The following AGO1 variants were observed in gnomAD, a reference collection of about 807,000 sequenced individuals.
The protein encoded by AGO1 is argonaute RISC component 1.
A neutral mutation model predicts 109.2 loss-of-function variants in AGO1; 11 were observed. The ratio of observed to expected loss-of-function variants is 0.10; its 90% confidence interval spans 0.06 to 0.17. AGO1 has a LOEUF of 0.17. Among genes scored for constraint, AGO1 ranks in the 10% least tolerant of loss-of-function variants. AGO1 has a pLI of 1.00. For synonymous variants in AGO1, 422 were observed against 418.6 expected, an observed-to-expected ratio of 1.01 and a Z score of -0.10; for missense variants, 574 against 1,140.3, an observed-to-expected ratio of 0.50 and a Z score of 7.15.
At position 35,883,383 on chromosome 1, in the gene AGO1, C is replaced by CA. The variant is rs767091091; in HGVS notation, c.-38dup. The CA allele has an allele frequency of 6.3e-7, 1 of 1,582,632 alleles. No individual in the cohort carries two copies. Among genetic ancestry groups the CA allele is most frequent in the South Asian group, 1.1e-5 (1 of 88,664 alleles). On this transcript the variant is annotated 5_prime_UTR_variant, in exon 1 of 19. Coordinates refer to ENST00000373204, the MANE Select transcript of AGO1 (RefSeq NM_012199.5). The surrounding 1 kb of genome is among the most constrained non-coding windows in gnomAD (Gnocchi z 5.4). ...CCTAGGCCCCTCACGCTGGACTTCA[C>CA]AGTCTCCGGGCCGCCTGACCTCCGC...
intron 1 of AGO1, among the ~76,000 whole-genome samples, chr1:35,887,258 C>G (rs1297314603): frequency 6.6e-6 from 1 of 152,192 alleles, no homozygotes. Flanking sequence ...CCCATCCCCC[C>G]AGCTTGTCTG....
At position 35,919,246 on chromosome 1, in the gene AGO1, G is replaced by C; in HGVS notation, c.2457G>C (p.Glu819Asp). The C allele has an allele frequency of 6.2e-7, 1 of 1,613,566 alleles. No individual in the cohort carries two copies. The highest frequency in any genetic ancestry group is 8.5e-7 in the Non-Finnish European group (1 of 1,179,782). Residue 819 changes from glutamate to aspartate, a missense_variant, in exon 18 of 19, where the codon GAG (glutamate) becomes GAC (aspartate). Physicochemically the swap from Glu to Asp is conservative, Grantham distance 45 (BLOSUM62 2). Transcript: ENST00000373204. The surrounding 1 kb of genome is among the most constrained non-coding windows in gnomAD (Gnocchi z 6.6). ...FRARYHLVDK[E>D]HDSGEGSHIS... Reference sequence around the variant, plus strand: ...CACGATACCACCTGGTGGACAAGGAGCATGACAGGTGAGGCCTGGGATCAG... The same window carrying C: ...CACGATACCACCTGGTGGACAAGGACCATGACAGGTGAGGCCTGGGATCAG...
At chr1:35,885,155 C>T (rs1485489434) in intron 1 of AGO1, among the ~76,000 whole-genome samples, 1 of 152,104 alleles carries the variant, frequency 6.6e-6, no homozygotes, top group Non-Finnish European at 1.5e-5. Context: ...TTGAGTACTT[C>T]CTCTCTGTCA....
At chr1:35,906,458 T>C (rs2148718570) in intron 11 of AGO1, among the ~76,000 whole-genome samples, 1 of 152,298 alleles carries the variant, frequency 6.6e-6, no homozygotes, top group South Asian at 2.1e-4. Context: ...TCTCTTACCT[T>C]ACTCAACTAT....
At chr1:35,876,592 G>T (rs1306933647) in intron 1 of AGO1, among the ~76,000 whole-genome samples, 2 of 152,142 alleles carry the variant, frequency 1.3e-5, no homozygotes, top group East Asian at 3.8e-4. Context: ...GATGAACAAA[G>T]AAAGTGATTT....
At chr1:35,882,493 G>A (rs1332131631), upstream of AGO1, among the ~76,000 whole-genome samples, 1 of 152,228 alleles carries the variant, frequency 6.6e-6, no homozygotes, top group Non-Finnish European at 1.5e-5. The surrounding 1 kb of genome is among the most constrained non-coding windows in gnomAD (Gnocchi z 5.1). Flanking sequence ...AGAAATAATT[G>A]AAAAGTATCC....
At chr1:35,899,782 A>G (rs957030133) in intron 8 of AGO1, among the ~76,000 whole-genome samples, 1 of 152,186 alleles carries the variant, frequency 6.6e-6, no homozygotes, top group African/African-American at 2.4e-5. Flanking sequence ...GCCCTATGGG[A>G]GCAAGTTCCT....
intron 7 of AGO1, 122 bp downstream of exon 7, chr1:35,894,524 T>A: frequency 1.0e-6 from 1 of 963,254 alleles, no homozygotes; most frequent in Non-Finnish European, 1.6e-6. Context: ...CTGGCCCTGT[T>A]TTTGAAGATA....
chr1:35,889,923 C>T (rs1381548306), intron 2 of AGO1, among the ~76,000 whole-genome samples: 1 of 152,046 alleles, frequency 6.6e-6, no homozygotes, highest in African/African-American at 2.4e-5. Flanking sequence ...CCATGTTGAC[C>T]AGGCTGGTCT....
In AGO1 at chr1:35,923,899, A is replaced by G. The variant is rs1203660652; in HGVS notation, c.*4292A>G. On this transcript the variant is annotated 3_prime_UTR_variant, in exon 19 of 19. Transcript: ENST00000373204. Reference sequence around the variant, plus strand: ...GCAAGTAAAGACATTTGTTGAATGCACTGAGTCCCTTGGTGTAGTAGCAAT... The same window carrying G: ...GCAAGTAAAGACATTTGTTGAATGCGCTGAGTCCCTTGGTGTAGTAGCAAT... The G allele has an allele frequency of 6.5e-6, 1 of 152,694 alleles. No individual in the cohort carries two copies. The highest frequency in any genetic ancestry group is 1.5e-5 in the Non-Finnish European group (1 of 68,054). 9.5% of individuals were successfully genotyped at this position (152,694 alleles called of 1,614,324 possible).
intron 1 of AGO1, among the ~76,000 whole-genome samples, chr1:35,870,541 C>T (rs966997139): frequency 9.9e-5 from 15 of 152,208 alleles, no homozygotes; most frequent in African/African-American, 2.9e-4. Flanking sequence ...CCTCGCCTCC[C>T]AAAGTGCTGG....
chr1:35,918,046 G>A (rs1420576823), intron 16 of AGO1, among the ~76,000 whole-genome samples: 2 of 152,156 alleles, frequency 1.3e-5, no homozygotes, highest in Non-Finnish European at 2.9e-5. Context: ...TGTACAAGGC[G>A]TCTTCCTCAC....
At chr1:35,872,027 A>T (rs963518234) in intron 1 of AGO1, among the ~76,000 whole-genome samples, 2 of 146,544 alleles carry the variant, frequency 1.4e-5, no homozygotes, top group South Asian at 4.5e-4. Context: ...CCAAGATTGC[A>T]CCACTGCACT....
At chr1:35,894,981 A>G (rs928183610) in intron 7 of AGO1, 141 bp from the exon 8 acceptor site, 19 of 1,011,162 alleles carry the variant, frequency 1.9e-5, no homozygotes, top group Non-Finnish European at 2.4e-5. Flanking sequence ...GGATGAAGCA[A>G]AGTCTGGGAC....
chr1:35,924,795 TG>T lies in AGO1; in HGVS notation c.*5192del, dbSNP rs1645896590. 1 of 151,936 alleles carries T rather than the reference TG, an allele frequency of 6.6e-6. No individual in the cohort carries two copies. The highest frequency in any genetic ancestry group is 2.4e-5 in the African/African-American group (1 of 41,318). The allele number at this position is 151,936 out of a possible 1,614,324, so 9.4% of individuals were successfully genotyped here. On this transcript the variant is annotated 3_prime_UTR_variant, in exon 19 of 19. Coordinates refer to ENST00000373204, the MANE Select transcript of AGO1 (RefSeq NM_012199.5). The stretch of plus-strand genomic sequence containing the variant: ...TGACGGGGAGACTGTAGAAGGAAGG[TG>T]GGGAGTTTTTGAAGAAACAGAATGT...
intron 1 of AGO1, among the ~76,000 whole-genome samples, chr1:35,886,567 A>T (rs578214736): frequency 2.0e-5 from 3 of 152,070 alleles, no homozygotes; most frequent in South Asian, 2.1e-4. Flanking sequence ...TCTAGGAGTT[A>T]TCTTTCTCCG....
chr1:35,894,429 A>G (rs781391050), intron 7 of AGO1, 27 bp downstream of exon 7: 1 of 1,609,790 alleles, frequency 6.2e-7, no homozygotes, highest in Admixed American at 1.7e-5. Flanking sequence ...GCTGAGTCAT[A>G]CTTTGTTGGT....
chr1:35,924,709 C>T lies in AGO1; in HGVS notation c.*5102C>T, dbSNP rs1388570987. The T allele has an allele frequency of 6.6e-6, 1 of 152,196 alleles. No homozygotes were observed. The highest frequency in any genetic ancestry group is 6.5e-5 in the Admixed American group (1 of 15,274). 9.4% of individuals were successfully genotyped at this position (152,196 alleles called of 1,614,324 possible). Reference sequence around the variant, plus strand: ...AGGAGAAGACAGGAGTAGAGGTTAGCTCCCAGGTTTCTCCTTGACCATAGG... The same window carrying T: ...AGGAGAAGACAGGAGTAGAGGTTAGTTCCCAGGTTTCTCCTTGACCATAGG... On this transcript the variant is annotated 3_prime_UTR_variant, in exon 19 of 19. Coordinates refer to ENST00000373204, the MANE Select transcript of AGO1 (RefSeq NM_012199.5).
rs1330934356 is a variant in AGO1 at position 35,919,270 on chromosome 1, A to C, written c.2465+16A>C. On this transcript the variant is annotated intron_variant, in intron 18 of 18. Transcript: ENST00000373204. This position sits in a 1 kb window ranked among gnomAD's most constrained non-coding sequence, Gnocchi z 6.6. ...AGCATGACAGGTGAGGCCTGGGATCAGGTTGGCCTCCTTTTTGCTTCAGCC... is the reference window on the plus strand; with the variant it reads ...AGCATGACAGGTGAGGCCTGGGATCCGGTTGGCCTCCTTTTTGCTTCAGCC... 6.2e-7 allele frequency: 1 copy of C among 1,609,792 alleles called. No homozygotes were observed. The highest frequency in any genetic ancestry group is 1.7e-5 in the Admixed American group (1 of 59,362).
Sources: allele counts gnomAD v4.1 joint callset (sites outside exome capture counted in the v4.1 genomes callset), GRCh38; gene constraint gnomAD v4.1.1; non-coding constraint Gnocchi (gnomAD v3.1); transcripts MANE v1.5; gene names NCBI Gene and HGNC (gene_info 2026-07-23, HGNC 2026-07-21).